The following SLC1A2 variants were observed in gnomAD, a reference collection of about 807,000 sequenced individuals.
SLC1A2 encodes the protein solute carrier family 1 member 2, also known as excitatory amino acid transporter 2.
In SLC1A2, 15 loss-of-function variants were observed where a neutral mutation model predicts 48.8. The ratio of observed to expected loss-of-function variants is 0.31; its 90% CI spans 0.21 to 0.47. SLC1A2 has a LOEUF of 0.47. Among genes scored for constraint, SLC1A2 ranks in the 20% least tolerant of loss-of-function variants. The probability of loss-of-function intolerance (pLI) is 0.99; values close to 1 mark genes in which losing one functional copy is unlikely to be tolerated. For synonymous variants in SLC1A2, 279 were observed against 272.6 expected, an observed-to-expected ratio of 1.02 and a Z score of -0.23; for missense variants, 502 against 730.5, an observed-to-expected ratio of 0.69 and a Z score of 3.61.
chr11:35,349,021 G>C (rs531596179), intron 1 of SLC1A2, among the ~76,000 whole-genome samples: 75 of 152,256 alleles, frequency 4.9e-4, no homozygotes, highest in Non-Finnish European at 8.7e-4. Flanking sequence ...AGAGGAAAGG[G>C]GAGAGGATAC....
Position 35,252,463 on chromosome 11 carries a change from T to C in SLC1A2, c.*8431A>G, listed in dbSNP as rs1312783779. The C allele has an allele frequency of 6.6e-6, 1 of 152,144 alleles. No homozygotes were observed. Among genetic ancestry groups the C allele is most frequent in the African/African-American group, 2.4e-5 (1 of 41,414 alleles). 9.4% of individuals were successfully genotyped at this position (152,144 alleles called of 1,614,324 possible). A position where few individuals can be genotyped will look rare whatever the true frequency, so the allele number is the denominator to read the frequency against. On this transcript the variant is annotated 3_prime_UTR_variant, in exon 11 of 11. Transcript: ENST00000278379. ...GTAATCAAAAGTTCCACAGTTGCATTCACCATGTATTAAACAGACATGAGA... is the reference window on the plus strand; with the variant it reads ...GTAATCAAAAGTTCCACAGTTGCATCCACCATGTATTAAACAGACATGAGA...
intron 9 of SLC1A2, among the ~76,000 whole-genome samples, chr11:35,266,064 G>A (rs1400895822): frequency 6.6e-6 from 1 of 152,080 alleles, no homozygotes; most frequent in Non-Finnish European, 1.5e-5. Context: ...AGGAGGAGGA[G>A]GAAAGAAAAG....
intron 1 of SLC1A2, among the ~76,000 whole-genome samples, chr11:35,343,470 G>A (rs536595363): frequency 5.4e-4 from 82 of 152,242 alleles, no homozygotes; most frequent in Non-Finnish European, 1.1e-3. Context: ...AAAGAAACTC[G>A]TAAAGTTAGA....
chr11:35,280,840 A>G (rs766563210), intron 9 of SLC1A2, 27 bp downstream of exon 9: 1 of 1,552,388 alleles, frequency 6.4e-7, no homozygotes, highest in Non-Finnish European at 8.8e-7. Flanking sequence ...TCACAGTCCC[A>G]GCAGAACCCC....
At chr11:35,364,719 AC>A (rs904932791) in intron 1 of SLC1A2, among the ~76,000 whole-genome samples, 1 of 152,080 alleles carries the variant, frequency 6.6e-6, no homozygotes, top group Non-Finnish European at 1.5e-5. Context: ...ATACATACAC[AC>A]CCCCATGATG....
Position 35,253,971 on chromosome 11 carries a change from C to T in SLC1A2, c.*6923G>A, listed in dbSNP as rs1001152577. On this transcript the variant is annotated 3_prime_UTR_variant, in exon 11 of 11. Coordinates refer to ENST00000278379, the MANE Select transcript of SLC1A2 (RefSeq NM_004171.4). ...AGGTCTATAAATACATTTTCTAATG[C>T]TCTTTATAAATAATAGCAAACAAGC... is the stretch of plus-strand genomic sequence containing the variant. The T allele has an allele frequency of 5.3e-5, 8 of 152,268 alleles. No individual in the cohort carries two copies. The highest frequency in any genetic ancestry group is 1.7e-4 in the African/African-American group (7 of 41,392). The allele number at this position is 152,268 out of a possible 1,614,324, so 9.4% of individuals were successfully genotyped here.
At chr11:35,363,108 C>T (rs919495457) in intron 1 of SLC1A2, among the ~76,000 whole-genome samples, 25 of 152,302 alleles carry the variant, frequency 1.6e-4, no homozygotes, top group African/African-American at 5.8e-4. Flanking sequence ...ATGCATGTTA[C>T]TATTGCACAC....
At position 35,333,580 on chromosome 11, in the gene SLC1A2, T is replaced by C. The variant is rs1057316396; in HGVS notation, c.18-16064A>G. Among the ~76,000 whole-genome samples, 5 of 152,208 alleles carry C rather than the reference T, an allele frequency of 3.3e-5. No individual in the cohort carries two copies. In the South Asian group the frequency reaches 8.3e-4, roughly 25 times the overall value. On this transcript the variant is annotated intron_variant, in intron 1 of 10. Coordinates refer to ENST00000278379, the MANE Select transcript of SLC1A2 (RefSeq NM_004171.4). ...GCTAAATAAGCAGTAACTTTAACAA[T>C]GTTAATGACGAAGAGTTGGAAATTT...
chr11:35,404,584 C>A (rs552784771), intron 1 of SLC1A2: 2 of 152,318 alleles, frequency 1.3e-5, no homozygotes, highest in Admixed American at 6.5e-5. Context: ...ACAGCTGGTG[C>A]GGGGCCTGGG....
Position 35,392,340 on chromosome 11 carries a change from A to G in SLC1A2, c.17+26610T>C, listed in dbSNP as rs1854804468. 2.0e-5 allele frequency: 3 copies of G among 152,256 alleles called. 1 individual carries two copies. Among genetic ancestry groups the G allele is most frequent in the Admixed American group, 2.0e-4 (3 of 15,292 alleles). The allele number at this position is 152,256 out of a possible 1,614,324, so 9.4% of individuals were successfully genotyped here. ...AGAGAATGTGAACTCACCCAGATAC[A>G]GAGGAAAATCAGGGTCTTTCAGGAC... On this transcript the variant is annotated intron_variant, in intron 1 of 10. Coordinates refer to ENST00000278379, the MANE Select transcript of SLC1A2 (RefSeq NM_004171.4).
rs1432266510 is a variant in SLC1A2 at position 35,254,223 on chromosome 11, T to A, written c.*6671A>T. 1 of 152,610 alleles carries A rather than the reference T, an allele frequency of 6.6e-6. No individual in the cohort carries two copies. The highest frequency in any genetic ancestry group is 1.5e-5 in the Non-Finnish European group (1 of 68,038). The allele number at this position is 152,610 out of a possible 1,614,324, so 9.5% of individuals were successfully genotyped here. ...ACAATATACAAAATCCTCAAAAAAG[T>A]AGTTTTTTTATATACAAATCTCTAT... On this transcript the variant is annotated 3_prime_UTR_variant, in exon 11 of 11. Transcript: ENST00000278379.
chr11:35,359,361 T>A (rs532637901), intron 1 of SLC1A2, among the ~76,000 whole-genome samples: 70 of 152,308 alleles, frequency 4.6e-4, no homozygotes, highest in African/African-American at 1.7e-3. Context: ...ATGATTTTGA[T>A]TTAAAAAAAT....
intron 1 of SLC1A2, among the ~76,000 whole-genome samples, chr11:35,412,086 C>T (rs1463114185): frequency 6.7e-6 from 1 of 149,796 alleles, no homozygotes; most frequent in Non-Finnish European, 1.5e-5. Context: ...AGGAAGGATC[C>T]ATGAAATTTT....
intron 1 of SLC1A2, among the ~76,000 whole-genome samples, chr11:35,404,980 G>A (rs1407861736): frequency 6.6e-6 from 1 of 151,994 alleles, no homozygotes; most frequent in African/African-American, 2.4e-5. Context: ...TAAGGATGAT[G>A]AGGATAGCTT....
chr11:35,284,111 A>AT lies in SLC1A2; in HGVS notation c.1286+2645_1286+2646insA, dbSNP rs1394838285. 3.0e-3 allele frequency among the ~76,000 whole-genome samples: 403 copies of AT among 135,614 alleles called. 4 individuals carry two copies. Among genetic ancestry groups the AT allele is most frequent in the Middle Eastern group, 0.013 (3 of 240 alleles). The allele number at this position is 135,614 out of a possible 152,430, so 89.0% of individuals were successfully genotyped here. The stretch of plus-strand genomic sequence containing the variant: ...ATTATATATATATATATATATATAT[A>AT]AATTATTATTTTGCAACCCAACAGT... On this transcript the variant is annotated intron_variant, in intron 8 of 10. Coordinates refer to ENST00000278379, the MANE Select transcript of SLC1A2 (RefSeq NM_004171.4).
chr11:35,284,087 T>TATATATATATATATATATATATATA (rs1850729531), intron 8 of SLC1A2, among the ~76,000 whole-genome samples: 15 of 115,854 alleles, frequency 1.3e-4, no homozygotes, highest in African/African-American at 4.9e-4. Flanking sequence ...GAAGATTTTA[T>TATATATATATATATATATATATATA]TATATATATA....
chr11:35,310,273 G>A (rs1050144555), intron 4 of SLC1A2, among the ~76,000 whole-genome samples: 7 of 152,132 alleles, frequency 4.6e-5, no homozygotes, highest in African/African-American at 9.7e-5. Flanking sequence ...CTGCAGCTGC[G>A]ATCCCAGAAT....
intron 1 of SLC1A2, among the ~76,000 whole-genome samples, chr11:35,320,231 G>C (rs1852011205): frequency 6.6e-6 from 1 of 152,142 alleles, no homozygotes; most frequent in African/African-American, 2.4e-5. Context: ...AACACACCTG[G>C]TAACAGTGAC....
intron 1 of SLC1A2, among the ~76,000 whole-genome samples, chr11:35,400,489 T>A (rs1315234819): frequency 6.6e-6 from 1 of 152,156 alleles, no homozygotes; most frequent in Admixed American, 6.5e-5. Context: ...AGGCATTTAT[T>A]CCTGGTTAGT....
Sources: gnomAD v4.1 joint callset for allele counts (sites outside exome capture counted in the v4.1 genomes callset) on GRCh38, gnomAD v4.1.1 for gene constraint, MANE v1.5 for transcripts, NCBI Gene and HGNC (gene_info 2026-07-23, HGNC 2026-07-21) for gene names.